PSMD14: variants seen among roughly 807,000 people sequenced by gnomAD.
The protein encoded by PSMD14 is ubiquitin C-terminal hydrolase PSMD14.
Under a neutral mutation model 41.2 loss-of-function variants are expected in PSMD14, and 7 were observed. The ratio of observed to expected loss-of-function variants is 0.17; its 90% confidence interval spans 0.10 to 0.32. The LOEUF is 0.32. PSMD14 is among the 10% of genes least tolerant of loss of function. The pLI is 1.00. For synonymous variants in PSMD14, 114 were observed against 122.3 expected, an observed-to-expected ratio of 0.93 and a Z score of 0.45; for missense variants, 139 against 375.6, an observed-to-expected ratio of 0.37 and a Z score of 5.21.
intron 10 of PSMD14, among the ~76,000 whole-genome samples, chr2:161,405,321 G>A (rs1683934777): frequency 2.0e-5 from 3 of 152,238 alleles, no homozygotes; most frequent in South Asian, 2.1e-4. Flanking sequence ...ACAAGAAAAA[G>A]TTAGGTACAT....
intron 8 of PSMD14, among the ~76,000 whole-genome samples, chr2:161,388,659 A>C (rs1444693833): frequency 6.6e-6 from 1 of 152,144 alleles, no homozygotes; most frequent in African/African-American, 2.4e-5. Flanking sequence ...AAAGGATATC[A>C]GTTACCACCG....
intron 5 of PSMD14, 139 bp from the exon 6 acceptor site, chr2:161,369,968 T>G: frequency 3.4e-6 from 2 of 585,380 alleles, no homozygotes; most frequent in South Asian, 4.5e-5. Context: ...ATGAGGTTTA[T>G]AATTGAATGA....
intron 3 of PSMD14, among the ~76,000 whole-genome samples, chr2:161,339,780 C>T (rs202065137): frequency 5.6e-3 from 830 of 149,346 alleles, no homozygotes; most frequent in East Asian, 0.047. Flanking sequence ...GTGGCCTGTT[C>T]TCCCCTAAGC....
chr2:161,371,773 A>G (rs937718088), intron 7 of PSMD14, among the ~76,000 whole-genome samples: 3 of 152,134 alleles, frequency 2.0e-5, no homozygotes, highest in Non-Finnish European at 2.9e-5. Flanking sequence ...AATATTTTAG[A>G]CAATGAAAAC....
At chr2:161,316,265 TG>T (rs1171015986) in intron 1 of PSMD14, among the ~76,000 whole-genome samples, 171 bp from the exon 2 acceptor site, 2 of 152,252 alleles carry the variant, frequency 1.3e-5, no homozygotes, top group Non-Finnish European at 2.9e-5. Flanking sequence ...CACTGTGCTC[TG>T]TAGCTCCCTG....
At chr2:161,381,033 T>G (rs1460899839) in intron 7 of PSMD14, among the ~76,000 whole-genome samples, 2 of 151,944 alleles carry the variant, frequency 1.3e-5, no homozygotes, top group African/African-American at 2.4e-5. Context: ...TTATAATCAT[T>G]TAGAGATTTA....
intron 3 of PSMD14, among the ~76,000 whole-genome samples, chr2:161,326,377 C>T (rs1027112444): frequency 6.6e-6 from 1 of 151,936 alleles, no homozygotes; most frequent in Admixed American, 6.6e-5. Context: ...TGGCTATTAT[C>T]CAAATTAAAC....
intron 3 of PSMD14, among the ~76,000 whole-genome samples, chr2:161,342,377 C>G (rs1057503995): frequency 6.6e-6 from 1 of 151,756 alleles, no homozygotes; most frequent in East Asian, 1.9e-4. Flanking sequence ...AGTCAAACAC[C>G]TTTTCTGCAT....
At chr2:161,348,932 T>C (rs555765349) in intron 3 of PSMD14, among the ~76,000 whole-genome samples, 1,977 of 152,328 alleles carry the variant, frequency 0.013, 46 homozygotes, top group African/African-American at 0.045. Flanking sequence ...AAAACATTTG[T>C]TCCTACTCCA....
intron 1 of PSMD14, among the ~76,000 whole-genome samples, chr2:161,313,630 A>T (rs1021894115): frequency 6.6e-6 from 1 of 152,254 alleles, no homozygotes; most frequent in Non-Finnish European, 1.5e-5. Context: ...GATTACAGGC[A>T]TGAGCCACCA....
At chr2:161,371,677 G>A (rs1559049306) in intron 7 of PSMD14, among the ~76,000 whole-genome samples, 2 of 151,884 alleles carry the variant, frequency 1.3e-5, no homozygotes, top group East Asian at 1.9e-4. Context: ...GATGAATTTG[G>A]AATTGGCACA....
rs778965025 is a variant in PSMD14 at position 161,395,102 on chromosome 2, A to G, written c.670A>G (p.Ser224Gly). 28 of 1,592,868 alleles carry G rather than the reference A, an allele frequency of 1.8e-5. No individual in the cohort carries two copies. In the African/African-American group the frequency reaches 3.5e-4, roughly 20 times the overall value. ...QKMLLNLHKK[S>G]WMEGLTLQDY... is the part of the protein sequence containing the mutation. Reference sequence around the variant, plus strand: ...GATGTTGCTAAATTTGCATAAGAAGAGTTGGATGGAAGGTTTGACACTTCA... The same window carrying G: ...GATGTTGCTAAATTTGCATAAGAAGGGTTGGATGGAAGGTTTGACACTTCA... Residue 224 changes from serine to glycine, a missense_variant, in exon 10 of 12, where the codon AGT becomes GGT. Coordinates refer to ENST00000409682, the MANE Select transcript of PSMD14 (RefSeq NM_005805.6).
intron 3 of PSMD14, among the ~76,000 whole-genome samples, chr2:161,342,674 T>C (rs1444587465): frequency 6.6e-6 from 1 of 152,120 alleles, no homozygotes; most frequent in African/African-American, 2.4e-5. Flanking sequence ...GATATTTAAG[T>C]AATTTACATT....
chr2:161,410,719 C>A (rs557206570), intron 11 of PSMD14, among the ~76,000 whole-genome samples: 3 of 152,094 alleles, frequency 2.0e-5, no homozygotes, highest in Admixed American at 1.3e-4. Flanking sequence ...TAGAATTGAT[C>A]CAAATTGTAT....
intron 8 of PSMD14, 125 bp downstream of exon 8, chr2:161,385,696 T>TAAAAC: frequency 1.8e-6 from 1 of 562,064 alleles, no homozygotes; most frequent in Non-Finnish European, 3.0e-6. Flanking sequence ...TCTTTTGTTT[T>TAAAAC]AAAAGAATTG....
intron 3 of PSMD14, among the ~76,000 whole-genome samples, chr2:161,329,268 A>G (rs1682752405): frequency 6.6e-6 from 1 of 152,164 alleles, no homozygotes; most frequent in Non-Finnish European, 1.5e-5. Context: ...TATCTGCTAG[A>G]GCAATCCTGC....
intron 3 of PSMD14, among the ~76,000 whole-genome samples, chr2:161,344,484 T>C (rs1271169688): frequency 6.6e-6 from 1 of 152,200 alleles, no homozygotes; most frequent in African/African-American, 2.4e-5. Context: ...TGTCAACATA[T>C]GAATAGGAAG....
At chr2:161,394,459 C>G (rs1407149523) in intron 9 of PSMD14, among the ~76,000 whole-genome samples, 1 of 152,072 alleles carries the variant, frequency 6.6e-6, no homozygotes, top group African/African-American at 2.4e-5. Context: ...CAAGGTCACT[C>G]AATAAATGGG....
At chr2:161,380,137 G>A (rs1029076026) in intron 7 of PSMD14, among the ~76,000 whole-genome samples, 1 of 151,974 alleles carries the variant, frequency 6.6e-6, no homozygotes, top group African/African-American at 2.4e-5. Context: ...ATGAGGCATC[G>A]TCATTCATGA....
Sources: gnomAD v4.1 joint callset for allele counts (sites outside exome capture counted in the v4.1 genomes callset) on GRCh38, gnomAD v4.1.1 for gene constraint, MANE v1.5 for transcripts, NCBI Gene and HGNC (gene_info 2026-07-23, HGNC 2026-07-21) for gene names.